Variants in ARHGEF10L observed in about 807,000 individuals in gnomAD.
ARHGEF10L encodes rho guanine nucleotide exchange factor 10-like protein.
A neutral mutation model predicts 141.2 loss-of-function variants in ARHGEF10L; 69 were observed. That is an observed-to-expected ratio of 0.49 (90% CI 0.40 to 0.60). The LOEUF is 0.60. Ranked by LOEUF, ARHGEF10L falls within the 20% of genes least tolerant of loss-of-function variation. ARHGEF10L has a pLI of 0.00. For synonymous variants in ARHGEF10L, 711 were observed against 718.5 expected, an observed-to-expected ratio of 0.99 and a Z score of 0.17; for missense variants, 1,482 against 1,734.3, an observed-to-expected ratio of 0.85 and a Z score of 2.58.
In ARHGEF10L at chr1:17,607,853, G is replaced by C. The variant is rs750087513; in HGVS notation, c.485G>C (p.Arg162Pro). ...YEDAHRAGAP[R>P]QAEDLGWSSS... ...GATGCGCACCGGGCTGGGGCCCCTC[G>C]GCAGGCGGAGGACCTAGGCTGGAGC... Residue 162 changes from arginine to proline, a missense_variant, in exon 7 of 29, where the codon CGG becomes CCG. Coordinates refer to ENST00000361221, the MANE Select transcript of ARHGEF10L (RefSeq NM_018125.4). This position sits in a 1 kb window ranked among gnomAD's most constrained non-coding sequence, Gnocchi z 4.5. 4 of 1,589,256 alleles carry C rather than the reference G, an allele frequency of 2.5e-6. No individual in the cohort carries two copies. Among genetic ancestry groups the C allele is most frequent in the Non-Finnish European group, 3.4e-6 (4 of 1,169,278 alleles).
intron 9 of ARHGEF10L, 130 bp downstream of exon 9, chr1:17,616,332 TG>T: frequency 1.3e-6 from 1 of 745,296 alleles, no homozygotes; most frequent in Non-Finnish European, 2.2e-6. Context: ...CCTCTGGTGG[TG>T]GGGGTTGGGG....
At chr1:17,563,305 G>T (rs890115704) in intron 1 of ARHGEF10L, among the ~76,000 whole-genome samples, 1 of 151,790 alleles carries the variant, frequency 6.6e-6, no homozygotes, top group Admixed American at 6.6e-5. Context: ...CGCCATCTTG[G>T]CTCACTGCAC....
At chr1:17,676,986 C>T (rs1425361553) in intron 26 of ARHGEF10L, among the ~76,000 whole-genome samples, 4 of 151,956 alleles carry the variant, frequency 2.6e-5, no homozygotes, top group South Asian at 2.1e-4. Flanking sequence ...CTCTCTGCAT[C>T]GGGCCGTAAA....
intron 1 of ARHGEF10L, among the ~76,000 whole-genome samples, chr1:17,544,278 G>GTATATA (rs1002523702): frequency 6.7e-6 from 1 of 149,502 alleles, no homozygotes; most frequent in African/African-American, 2.5e-5. Flanking sequence ...ATATATGTGT[G>GTATATA]TATATATATA....
intron 27 of ARHGEF10L, 128 bp from the exon 28 acceptor site, chr1:17,695,030 C>A: frequency 2.8e-6 from 4 of 1,412,460 alleles, no homozygotes; most frequent in Non-Finnish European, 4.0e-6. Flanking sequence ...CTTCCCCACC[C>A]CACCGCCCAA....
intron 4 of ARHGEF10L, among the ~76,000 whole-genome samples, chr1:17,594,131 G>A (rs1181183370): frequency 1.3e-5 from 2 of 151,568 alleles, no homozygotes; most frequent in East Asian, 4.0e-4. Flanking sequence ...TTGGCTCTAG[G>A]GCCAGATCAT....
chr1:17,518,819 AAAAAAAG>A, the ARHGEF10L span, among the ~76,000 whole-genome samples: 2 of 115,266 alleles, frequency 1.7e-5, no homozygotes, highest in African/African-American at 5.8e-5. Context: ...AAAAAAAAAA[AAAAAAAG>A]AAAGAAAGAA....
At chr1:17,551,049 G>A (rs967253699) in intron 1 of ARHGEF10L, among the ~76,000 whole-genome samples, 2 of 151,900 alleles carry the variant, frequency 1.3e-5, no homozygotes, top group South Asian at 2.1e-4. Context: ...GCCAGCAGGT[G>A]CACGACTGTG....
At chr1:17,605,540 A>T (rs1025639376) in intron 6 of ARHGEF10L, among the ~76,000 whole-genome samples, 1 of 152,170 alleles carries the variant, frequency 6.6e-6, no homozygotes, top group African/African-American at 2.4e-5. Flanking sequence ...TGGAGAGGAT[A>T]TTTCTATATG....
rs193160167 is a variant in ARHGEF10L, at chr1:17,695,254, G to A, written c.3281G>A (p.Arg1094Gln). Residue 1094 changes from arginine to glutamine, a missense_variant, in exon 28 of 29, where the codon CGG becomes CAG. Physicochemically the swap from Arg to Gln is conservative, Grantham distance 43 (BLOSUM62 1). Transcript: ENST00000361221. ...GTCATCGTCCTGCTGCCCGTGCCTC[G>A]GCTGGAAGGCATCCCCAAGATCACA... ...QGVIVLLPVP[R>Q]LEGIPKITGK... 3.1e-6 allele frequency: 5 copies of A among 1,595,008 alleles called. No homozygotes were observed. The highest frequency in any genetic ancestry group is 2.2e-5 in the East Asian group (1 of 44,772).
At chr1:17,648,706 T>G (rs375874220) in intron 22 of ARHGEF10L, 31 bp downstream of exon 22, 223 of 1,601,556 alleles carry the variant, frequency 1.4e-4, no homozygotes, top group Non-Finnish European at 1.8e-4. Flanking sequence ...TGAGCCGACC[T>G]CGAAGGTGGC....
chr1:17,638,144 TGTC>T, intron 19 of ARHGEF10L, 141 bp downstream of exon 19: 1 of 769,544 alleles, frequency 1.3e-6, no homozygotes, highest in Non-Finnish European at 2.0e-6. Context: ...TGTTGGCAAC[TGTC>T]GCTGCTGAAG....
intron 1 of ARHGEF10L, among the ~76,000 whole-genome samples, chr1:17,567,990 C>G: frequency 6.6e-6 from 1 of 152,172 alleles, no homozygotes; most frequent in East Asian, 1.9e-4. Flanking sequence ...TTTGGGTGCT[C>G]AGCACTGGGC....
intron 4 of ARHGEF10L, among the ~76,000 whole-genome samples, chr1:17,594,980 C>T (rs998520372): frequency 6.6e-6 from 1 of 152,190 alleles, no homozygotes; most frequent in African/African-American, 2.4e-5. Flanking sequence ...CATTGCTTAG[C>T]ATTACCTGAG....
rs1032737030 is a variant in ARHGEF10L, at chr1:17,623,559, G to A, written c.1200+384G>A. ...AAAGACCACAACTTTGGCCCGGAGA[G>A]GATGTGCCGCAGTGCTGGGGAAAGG... is the stretch of plus-strand genomic sequence containing the variant. On this transcript the variant is annotated intron_variant, in intron 12 of 28. Coordinates refer to ENST00000361221, the MANE Select transcript of ARHGEF10L (RefSeq NM_018125.4). The surrounding 1 kb of genome is among the most constrained non-coding windows in gnomAD (Gnocchi z 4.7). 1.3e-5 allele frequency among the ~76,000 whole-genome samples: 2 copies of A among 152,182 alleles called. No homozygotes were observed. Among genetic ancestry groups the A allele is most frequent in the Admixed American group, 1.3e-4 (2 of 15,284 alleles).
chr1:17,616,828 T>A (rs1449983181), intron 9 of ARHGEF10L, among the ~76,000 whole-genome samples: 1 of 152,138 alleles, frequency 6.6e-6, no homozygotes, highest in Non-Finnish European at 1.5e-5. Flanking sequence ...GAGTGGGTGC[T>A]CTGGGAAGAG....
chr1:17,676,110 G>A (rs1305861083), intron 26 of ARHGEF10L, among the ~76,000 whole-genome samples: 2 of 147,822 alleles, frequency 1.4e-5, no homozygotes, highest in African/African-American at 2.5e-5. Context: ...GCAGGTGTAC[G>A]TGCAGGCATG....
chr1:17,551,080 C>G (rs897189373), intron 1 of ARHGEF10L, among the ~76,000 whole-genome samples: 5 of 151,982 alleles, frequency 3.3e-5, no homozygotes, highest in African/African-American at 4.8e-5. Flanking sequence ...GGATTCACAC[C>G]AAGGGGGGCA....
Position 17,669,475 on chromosome 1 carries a change from G to GAGGCACAGAGAGGTTAAGTAACTTGCCCA in ARHGEF10L, c.3009+4884_3009+4912dup, listed in dbSNP as rs1310110040. Among the ~76,000 whole-genome samples the GAGGCACAGAGAGGTTAAGTAACTTGCCCA allele has an allele frequency of 2.6e-5, 4 of 152,198 alleles. No homozygotes were observed. In the East Asian group the frequency reaches 7.7e-4, roughly 29 times the overall value. ...TTCCCACTTTACAGATGAGGAAACA[G>GAGGCACAGAGAGGTTAAGTAACTTGCCCA]AGGCACAGAGAGGTTAAGTAACTTG... is the stretch of plus-strand genomic sequence containing the variant. On this transcript the variant is annotated intron_variant, in intron 26 of 28. Transcript: ENST00000361221.
Sources: gnomAD v4.1 joint callset for allele counts (sites outside exome capture counted in the v4.1 genomes callset) on GRCh38, gnomAD v4.1.1 for gene constraint, Gnocchi (gnomAD v3.1) non-coding constraint, MANE v1.5 for transcripts, NCBI Gene and HGNC (gene_info 2026-07-23, HGNC 2026-07-21) for gene names.